Variants in DZIP3 observed in about 807,000 individuals in gnomAD.
The protein encoded by DZIP3 is E3 ubiquitin-protein ligase DZIP3.
A neutral mutation model predicts 162.0 loss-of-function variants in DZIP3; 118 were observed. The ratio of observed to expected loss-of-function variants is 0.73; its 90% CI spans 0.63 to 0.85. DZIP3 has a LOEUF of 0.85. Among genes scored for constraint, DZIP3 ranks in the 40% least tolerant of loss-of-function variants. The probability of loss-of-function intolerance (pLI) is 0.00; values close to 1 mark genes in which losing one functional copy is unlikely to be tolerated. For synonymous variants in DZIP3, 438 were observed against 458.6 expected (o/e 0.96, Z 0.57); for missense variants, 1,331 against 1,407.0 (o/e 0.95, Z 0.86).
chr3:108,600,286 CA>C (rs1475500015), intron 1 of DZIP3, among the ~76,000 whole-genome samples: 1 of 151,788 alleles, frequency 6.6e-6, no homozygotes. Flanking sequence ...AAATAGCTAT[CA>C]AAATTTTAAC....
chr3:108,690,583 A>G (rs1944654008), intron 31 of DZIP3, among the ~76,000 whole-genome samples: 1 of 152,192 alleles, frequency 6.6e-6, no homozygotes, highest in South Asian at 2.1e-4. Context: ...AACTGGCTAA[A>G]AGGTATTGTG....
Position 108,626,001 on chromosome 3 carries a change from C to T in DZIP3, c.581+32C>T, listed in dbSNP as rs777461906. On this transcript the variant is annotated intron_variant, in intron 7 of 32. Transcript: ENST00000361582. ...ATTTTAATTAACGGGTAGATGTTGC[C>T]TGTGAAGTCTCAGCATTGTGAAATG... 5 of 1,601,024 alleles carry T rather than the reference C, an allele frequency of 3.1e-6. No individual in the cohort carries two copies. The South Asian group carries it at 5.6e-5, about 18-fold the overall frequency.
At chr3:108,592,890 C>T (rs915311665) in intron 1 of DZIP3, among the ~76,000 whole-genome samples, 3 of 152,102 alleles carry the variant, frequency 2.0e-5, no homozygotes, top group African/African-American at 7.2e-5. Context: ...TCACCCCTTC[C>T]AGTATTTGTT....
intron 5 of DZIP3, among the ~76,000 whole-genome samples, chr3:108,620,902 A>G (rs753834170): frequency 4.6e-5 from 7 of 152,060 alleles, no homozygotes; most frequent in Admixed American, 4.6e-4. Flanking sequence ...GCTCACTGCA[A>G]CCTCCACCTC....
intron 1 of DZIP3, among the ~76,000 whole-genome samples, chr3:108,604,161 A>G (rs989134223): frequency 1.3e-5 from 2 of 152,202 alleles, no homozygotes; most frequent in African/African-American, 4.8e-5. Flanking sequence ...GTACCAATCT[A>G]ATTTATGGAA....
rs201114802 is a variant in DZIP3, at chr3:108,608,063, A to G, written c.33-26A>G. 1.4e-5 allele frequency: 22 copies of G among 1,576,752 alleles called. No individual in the cohort carries two copies. The East Asian group carries it at 2.5e-4, about 18-fold the overall frequency. On this transcript the variant is annotated intron_variant, in intron 2 of 32. Coordinates refer to ENST00000361582, the MANE Select transcript of DZIP3 (RefSeq NM_014648.4). ...TGTTCTTTGTGAGAAGATGCTCTTA[A>G]TATACCTCATTTTCATTTAAAATAG... is the stretch of plus-strand genomic sequence containing the variant.
intron 4 of DZIP3, among the ~76,000 whole-genome samples, chr3:108,616,230 C>G (rs563994038): frequency 6.6e-6 from 1 of 151,188 alleles, no homozygotes; most frequent in African/African-American, 2.4e-5. Flanking sequence ...CGCCAGTGAA[C>G]TCCAGCCAGG....
At position 108,673,141 on chromosome 3, in the gene DZIP3, G is replaced by A. The variant is rs147059349; in HGVS notation, c.2589+485G>A. On this transcript the variant is annotated intron_variant, in intron 23 of 32. Coordinates refer to ENST00000361582, the MANE Select transcript of DZIP3 (RefSeq NM_014648.4). ...AGGGTCTCTCAAAAGAAATATGATT[G>A]TATGTGTGTATGTAATTTTTATTTA... is the stretch of plus-strand genomic sequence containing the variant. 2.0e-5 allele frequency among the ~76,000 whole-genome samples: 3 copies of A among 152,018 alleles called. No individual in the cohort carries two copies. The East Asian group carries it at 5.8e-4, about 29-fold the overall frequency.
At chr3:108,608,423 C>T (rs910759535) in intron 3 of DZIP3, among the ~76,000 whole-genome samples, 1 of 151,902 alleles carries the variant, frequency 6.6e-6, no homozygotes, top group East Asian at 1.9e-4. Context: ...CAGAAATAAC[C>T]CAACAATCAT....
At chr3:108,682,564 T>C (rs935337774) in intron 26 of DZIP3, among the ~76,000 whole-genome samples, 2 of 150,606 alleles carry the variant, frequency 1.3e-5, no homozygotes, top group Non-Finnish European at 2.9e-5. Context: ...TCTAAAACAG[T>C]TGGTCTCATA....
chr3:108,592,998 T>C (rs1196390564), intron 1 of DZIP3, among the ~76,000 whole-genome samples: 2 of 152,076 alleles, frequency 1.3e-5, no homozygotes, highest in East Asian at 3.9e-4. Context: ...GAACAGTGTT[T>C]TAACACAGTA....
At position 108,674,073 on chromosome 3, in the gene DZIP3, T is replaced by C. The variant is rs754975042; in HGVS notation, c.2590-5T>C. The C allele has an allele frequency of 1.4e-5, 23 of 1,606,508 alleles. No homozygotes were observed. Among genetic ancestry groups the C allele is most frequent in the Non-Finnish European group, 1.8e-5 (21 of 1,174,548 alleles). ...CTTCTTTCTCTTTCTCTCAAAAACC[T>C]GTAGGTGTATTTCTTACAGTGTCGT... On this transcript the variant is annotated splice_region_variant and splice_polypyrimidine_tract_variant and intron_variant, in intron 23 of 32. Transcript: ENST00000361582.
chr3:108,672,536 G>T, intron 22 of DZIP3, 24 bp from the exon 23 acceptor site: 1 of 1,585,788 alleles, frequency 6.3e-7, no homozygotes, highest in South Asian at 1.1e-5. Flanking sequence ...AATATTGCGA[G>T]TCTTTAATGA....
intron 5 of DZIP3, 95 bp downstream of exon 5, chr3:108,616,752 C>A: frequency 1.2e-6 from 1 of 834,574 alleles, no homozygotes; most frequent in South Asian, 1.7e-5. Flanking sequence ...AAGGTGTGGG[C>A]CAATTTTTAT....
Position 108,629,185 on chromosome 3 carries a change from T to G in DZIP3, c.696+9T>G, listed in dbSNP as rs780967219. 1.3e-6 allele frequency: 2 copies of G among 1,508,628 alleles called. No individual in the cohort carries two copies. Among genetic ancestry groups the G allele is most frequent in the Non-Finnish European group, 1.8e-6 (2 of 1,109,446 alleles). 93.5% of individuals were successfully genotyped at this position (1,508,628 alleles called of 1,614,324 possible). ...TACCTACAACTTTTAAAGTAAGAAA[T>G]TATTTAAGAGTAACATTTTATTTGT... On this transcript the variant is annotated intron_variant, in intron 8 of 32. Transcript: ENST00000361582.
intron 17 of DZIP3, among the ~76,000 whole-genome samples, chr3:108,649,348 A>G (rs1942766376): frequency 1.3e-5 from 2 of 151,748 alleles, no homozygotes; most frequent in African/African-American, 4.8e-5. Context: ...AGAAATCTTG[A>G]TTTTTTTCTT....
intron 27 of DZIP3, among the ~76,000 whole-genome samples, chr3:108,686,053 GT>G (rs1208055217): frequency 2.6e-5 from 4 of 152,068 alleles, no homozygotes; most frequent in Non-Finnish European, 4.4e-5. Context: ...TAGATGTAAG[GT>G]TTTTTCAGTT....
intron 26 of DZIP3, among the ~76,000 whole-genome samples, chr3:108,680,554 A>G (rs1285323838): frequency 1.3e-5 from 2 of 152,124 alleles, no homozygotes; most frequent in Non-Finnish European, 2.9e-5. Flanking sequence ...CAAAAAACAA[A>G]GATACCTGGG....
At chr3:108,661,213 T>C (rs1943412370) in intron 19 of DZIP3, among the ~76,000 whole-genome samples, 1 of 152,114 alleles carries the variant, frequency 6.6e-6, no homozygotes, top group South Asian at 2.1e-4. Flanking sequence ...CTATTCACAA[T>C]AGCAAAGACT....
Sources: allele counts gnomAD v4.1 joint callset (sites outside exome capture counted in the v4.1 genomes callset), GRCh38; gene constraint gnomAD v4.1.1; transcripts MANE v1.5; gene names NCBI Gene and HGNC (gene_info 2026-07-23, HGNC 2026-07-21).